Variants in CNTN5 observed in about 807,000 individuals in gnomAD.
CNTN5 encodes contactin-5.
In CNTN5, 77 loss-of-function variants were observed where a neutral mutation model predicts 129.1. The observed-to-expected ratio is 0.60, with a 90% CI of 0.50 to 0.72. CNTN5 has a LOEUF of 0.72. Among genes scored for constraint, CNTN5 ranks in the 30% least tolerant of loss-of-function variants. The pLI is 0.00. For missense variants in CNTN5, 1,478 were observed against 1,328.8 expected (o/e 1.11, Z -1.75); for synonymous variants, 509 against 465.6 (o/e 1.09, Z -1.20).
intron 4 of CNTN5, among the ~76,000 whole-genome samples, chr11:99,843,860 A>G (rs184247472): frequency 6.6e-6 from 1 of 152,242 alleles, no homozygotes; most frequent in East Asian, 1.9e-4. Flanking sequence ...AATTAAGCAA[A>G]AAAAGCTTTA....
At chr11:100,238,537 G>A (rs868260327) in intron 16 of CNTN5, among the ~76,000 whole-genome samples, 99 of 148,602 alleles carry the variant, frequency 6.7e-4, no homozygotes, top group Middle Eastern at 3.5e-3. Context: ...GGGTAGAAGA[G>A]GAGGAGGAGG....
At chr11:99,925,652 C>T (rs911681124) in intron 7 of CNTN5, among the ~76,000 whole-genome samples, 2 of 151,958 alleles carry the variant, frequency 1.3e-5, no homozygotes, top group Non-Finnish European at 2.9e-5. Context: ...TGAGCTGTAA[C>T]ACTTCAGCTG....
chr11:99,556,234 T>A lies in CNTN5; in HGVS notation c.20T>A (p.Leu7Gln). 1.3e-6 allele frequency: 2 copies of A among 1,517,632 alleles called. No individual in the cohort carries two copies. The highest frequency in any genetic ancestry group is 1.7e-4 in the Middle Eastern group (1 of 5,884). 94.0% of individuals were successfully genotyped at this position (1,517,632 alleles called of 1,614,324 possible). Residue 7 changes from leucine (L) to glutamine (Q), a missense_variant, in exon 3 of 25, where the codon CTA (leucine) becomes CAA (glutamine). By Grantham distance (113) the Leu-to-Gln change is moderately radical. Transcript: ENST00000524871. MASSWKLMLFLSVTMCL... is the reference protein window; with the variant it reads MASSWKQMLFLSVTMCL... ...CTGAGGATGGCTTCCTCTTGGAAAC[T>A]AATGCTGTTTCTGTCAGTCACCATG... is the stretch of plus-strand genomic sequence containing the variant.
chr11:99,566,646 G>T (rs1949015690), intron 3 of CNTN5, among the ~76,000 whole-genome samples: 1 of 152,150 alleles, frequency 6.6e-6, no homozygotes, highest in East Asian at 1.9e-4. Context: ...TTGCAGAAAA[G>T]GGTTATGTAT....
intron 1 of CNTN5, among the ~76,000 whole-genome samples, chr11:99,248,356 A>G (rs1446940828): frequency 2.0e-5 from 3 of 152,034 alleles, no homozygotes; most frequent in African/African-American, 7.2e-5. Flanking sequence ...TAGATTCTGG[A>G]TATTAGCCCT....
At chr11:99,181,242 G>C (rs549136752) in intron 1 of CNTN5, among the ~76,000 whole-genome samples, 78 of 152,324 alleles carry the variant, frequency 5.1e-4, no homozygotes, top group African/African-American at 1.7e-3. Flanking sequence ...GTGGGGGCAG[G>C]TATTGCCACC....
At chr11:99,216,987 A>G (rs1321772688) in intron 1 of CNTN5, among the ~76,000 whole-genome samples, 1 of 152,160 alleles carries the variant, frequency 6.6e-6, no homozygotes, top group Non-Finnish European at 1.5e-5. Context: ...AATCGAGACC[A>G]TCCTGACCAA....
At chr11:99,401,349 A>C (rs75181756) in intron 2 of CNTN5, among the ~76,000 whole-genome samples, 5 of 151,990 alleles carry the variant, frequency 3.3e-5, no homozygotes, top group African/African-American at 1.2e-4. Flanking sequence ...CTTTTCCCTA[A>C]GGTATGTTCT....
At chr11:99,337,801 A>G (rs186848812) in intron 2 of CNTN5, among the ~76,000 whole-genome samples, 49 of 152,334 alleles carry the variant, frequency 3.2e-4, no homozygotes, top group Non-Finnish European at 6.2e-4. Flanking sequence ...AAAAAAATGT[A>G]TAAGAAGTCT....
chr11:99,088,742 T>A (rs1247250568), intron 1 of CNTN5, among the ~76,000 whole-genome samples: 1 of 152,096 alleles, frequency 6.6e-6, no homozygotes, highest in Non-Finnish European at 1.5e-5. Flanking sequence ...AAAAAAGAAA[T>A]CACTGCATGT....
chr11:99,186,674 C>T (rs1421390230), intron 1 of CNTN5, among the ~76,000 whole-genome samples: 1 of 151,942 alleles, frequency 6.6e-6, no homozygotes, highest in East Asian at 1.9e-4. Context: ...CCCACATTCT[C>T]TAAGGAGATA....
At chr11:100,037,628 T>A (rs942542513) in intron 9 of CNTN5, among the ~76,000 whole-genome samples, 1 of 152,218 alleles carries the variant, frequency 6.6e-6, no homozygotes, top group Non-Finnish European at 1.5e-5. Context: ...AACTATTGAT[T>A]ATTGCCACAA....
intron 1 of CNTN5, among the ~76,000 whole-genome samples, chr11:99,244,918 G>GAGTT (rs1861741512): frequency 6.6e-6 from 1 of 152,116 alleles, no homozygotes; most frequent in African/African-American, 2.4e-5. Context: ...GGATAGTATT[G>GAGTT]AGTTACTACG....
intron 13 of CNTN5, among the ~76,000 whole-genome samples, chr11:100,165,634 G>A (rs768332416): frequency 1.3e-4 from 20 of 151,668 alleles, no homozygotes; most frequent in South Asian, 6.2e-4. Context: ...TTTAAACATA[G>A]AAGTTGAATC....
intron 1 of CNTN5, among the ~76,000 whole-genome samples, chr11:99,058,141 A>G (rs1864711555): frequency 6.6e-6 from 1 of 151,988 alleles, no homozygotes. Context: ...AAGACTATGT[A>G]TTTTATCCTG....
At chr11:99,058,210 G>A (rs1346515620) in intron 1 of CNTN5, among the ~76,000 whole-genome samples, 2 of 152,104 alleles carry the variant, frequency 1.3e-5, no homozygotes, top group Non-Finnish European at 2.9e-5. Context: ...TGACTGAGTA[G>A]CTCAACCCTT....
At chr11:99,268,138 C>T (rs1380869211) in intron 1 of CNTN5, among the ~76,000 whole-genome samples, 1 of 151,904 alleles carries the variant, frequency 6.6e-6, no homozygotes, top group African/African-American at 2.4e-5. Flanking sequence ...GCTCCATTAT[C>T]TCAACCAAGA....
chr11:100,142,815 A>G (rs1946736542), intron 13 of CNTN5, among the ~76,000 whole-genome samples: 1 of 152,148 alleles, frequency 6.6e-6, no homozygotes, highest in Non-Finnish European at 1.5e-5. Flanking sequence ...GTGATTACAT[A>G]TTAGTAGAAT....
At chr11:99,048,580 T>A (rs1864305305) in intron 1 of CNTN5, among the ~76,000 whole-genome samples, 1 of 152,202 alleles carries the variant, frequency 6.6e-6, no homozygotes, top group African/African-American at 2.4e-5. Context: ...TTATTCATAC[T>A]TTTCACCTGA....
Sources: allele counts gnomAD v4.1 joint callset (sites outside exome capture counted in the v4.1 genomes callset), GRCh38; gene constraint gnomAD v4.1.1; transcripts MANE v1.5; gene names NCBI Gene and HGNC (gene_info 2026-07-23, HGNC 2026-07-21).